Variants in ISOC2 observed in about 807,000 individuals in gnomAD.
The protein encoded by ISOC2 is isochorismatase domain-containing protein 2.
A neutral mutation model predicts 19.3 loss-of-function variants in ISOC2; 15 were observed. The ratio of observed to expected loss-of-function variants is 0.78; its 90% CI spans 0.52 to 1.20. ISOC2 has a LOEUF of 1.20. Among genes scored for constraint, ISOC2 ranks in the 50% most tolerant of loss-of-function variants. The pLI is 0.00. For missense variants in ISOC2, 285 were observed against 272.4 expected (o/e 1.05, Z -0.33); for synonymous variants, 106 against 115.8 (o/e 0.92, Z 0.54).
At chr19:55,458,442 G>GTAATTC in intron 1 of ISOC2, among the ~76,000 whole-genome samples, 2 of 152,156 alleles carry the variant, frequency 1.3e-5, no homozygotes, top group South Asian at 4.2e-4. Flanking sequence ...GGAAATGGGA[G>GTAATTC]ACCCTGGAGG....
chr19:55,456,465 G>A lies in ISOC2; in HGVS notation c.22C>T (p.Leu8=). The change falls in exon 2 of 6, where the codon CTG becomes TTG. Residue 8 remains leucine, a synonymous_variant. Coordinates refer to ENST00000425675, the MANE Select transcript of ISOC2 (RefSeq NM_001136201.2). ...GAGGATCCTGGGAGGACTCGGCCCA[G>A]GCTGGGCCTGGCAGCCGCCATTTTC... MAAARPS[L]GRVLPGSSVL... is the part of the protein sequence containing the mutation. 6.2e-7 allele frequency: 1 copy of A among 1,613,640 alleles called. No homozygotes were observed. Among genetic ancestry groups the A allele is most frequent in the Non-Finnish European group, 8.5e-7 (1 of 1,179,768 alleles).
At position 55,456,971 on chromosome 19, in the gene ISOC2, C is replaced by T. The variant is rs375933948; in HGVS notation, c.-3-482G>A. The T allele has an allele frequency of 1.3e-4, 20 of 154,218 alleles. 1 individual carries two copies. The South Asian group carries it at 2.4e-3, about 19-fold the overall frequency. The allele number at this position is 154,218 out of a possible 1,614,324, so 9.6% of individuals were successfully genotyped here. ...TATCAGATCCCGGTTACATCAGCCC[C>T]GGTTACTGTCAGCCCTGGTTACCAT... is the stretch of plus-strand genomic sequence containing the variant. On this transcript the variant is annotated intron_variant, in intron 1 of 5. Transcript: ENST00000425675.
chr19:55,461,169 G>T (rs1380784137), intron 1 of ISOC2, among the ~76,000 whole-genome samples: 1 of 152,082 alleles, frequency 6.6e-6, no homozygotes, highest in African/African-American at 2.4e-5. Flanking sequence ...CAGGGGGCGG[G>T]GTAGGGCCGT....
At chr19:55,454,012 G>GT (rs544160448) in intron 5 of ISOC2, 5 of 152,340 alleles carry the variant, frequency 3.3e-5, no homozygotes, top group African/African-American at 1.2e-4. Flanking sequence ...AAAGAACTTT[G>GT]TAAACTGCCG....
intron 1 of ISOC2, among the ~76,000 whole-genome samples, chr19:55,458,956 G>C (rs578203947): frequency 2.0e-5 from 3 of 151,916 alleles, no homozygotes; most frequent in African/African-American, 7.3e-5. Context: ...TTTTGAGACA[G>C]GGTCTCATAG....
In ISOC2 at chr19:55,455,770, G is replaced by T; in HGVS notation, c.214C>A (p.Leu72Met). 1 of 1,580,732 alleles carries T rather than the reference G, an allele frequency of 6.3e-7. No individual in the cohort carries two copies. The highest frequency in any genetic ancestry group is 8.6e-7 in the Non-Finnish European group (1 of 1,163,702). Residue 72 changes from leucine to methionine, a missense_variant, in exon 3 of 6, where the codon CTG becomes ATG. Physicochemically the swap from Leu to Met is conservative, Grantham distance 15. Coordinates refer to ENST00000425675, the MANE Select transcript of ISOC2 (RefSeq NM_001136201.2). ...PQGLGPTVPE[L>M]GTEGLRPLAK... ...AGCGGCCGAAGGCCCTCAGTCCCCA[G>T]CTCGGGCACCGTGGGGCCCAGGCCT...
At chr19:55,458,557 C>T (rs1338394845) in intron 1 of ISOC2, among the ~76,000 whole-genome samples, 1 of 149,360 alleles carries the variant, frequency 6.7e-6, no homozygotes, top group East Asian at 1.9e-4. Flanking sequence ...GAGATGGAGT[C>T]TTGCTCTGTC....
In ISOC2 at chr19:55,455,030, G is replaced by C. The variant is rs959184199; in HGVS notation, c.496C>G (p.Leu166Val). 3 of 1,611,950 alleles carry C rather than the reference G, an allele frequency of 1.9e-6. No homozygotes were observed. The highest frequency in any genetic ancestry group is 2.5e-6 in the Non-Finnish European group (3 of 1,179,138). The change falls in exon 5 of 6, where the codon CTG becomes GTG. Residue 166 changes from leucine to valine, a missense_variant. Leu to Val is a conservative substitution (Grantham distance 32, BLOSUM62 1). Coordinates refer to ENST00000425675, the MANE Select transcript of ISOC2 (RefSeq NM_001136201.2). ...TGGACGGCATCGCCCACAAGCTGCA[G>C]AATGAGCCCTTCGCTGGTGGAGAGG... is the stretch of plus-strand genomic sequence containing the variant. ...AFLSTSEGLILQLVGDAVHPQ... is the reference protein window; with the variant it reads ...AFLSTSEGLIVQLVGDAVHPQ...
At chr19:55,458,858 G>C (rs769249079) in intron 1 of ISOC2, among the ~76,000 whole-genome samples, 15 of 151,690 alleles carry the variant, frequency 9.9e-5, no homozygotes, top group Admixed American at 3.3e-4. Context: ...TGGGTAGTTA[G>C]GACACTGTTG....
chr19:55,460,076 G>C (rs1309321751), intron 1 of ISOC2: 1 of 152,212 alleles, frequency 6.6e-6, no homozygotes, highest in Non-Finnish European at 1.5e-5. Flanking sequence ...AGACATTCAT[G>C]TGAAACGACA....
Position 55,461,502 on chromosome 19 carries a change from G to C in ISOC2, c.-4+10C>G, listed in dbSNP as rs1265409781. ...TCTCCAAATAGCGCCAGCAGCGAGA[G>C]AGGACTTACCCGGAAGGTGCCGGGT... On this transcript the variant is annotated intron_variant, in intron 1 of 5. Coordinates refer to ENST00000425675, the MANE Select transcript of ISOC2 (RefSeq NM_001136201.2). The C allele has an allele frequency of 6.6e-6, 1 of 152,236 alleles. No homozygotes were observed. The highest frequency in any genetic ancestry group is 2.4e-5 in the African/African-American group (1 of 41,460). 9.4% of individuals were successfully genotyped at this position (152,236 alleles called of 1,614,324 possible).
In ISOC2 at chr19:55,454,968, G is replaced by A. The variant is rs781573632; in HGVS notation, c.537+21C>T. 5 of 1,535,656 alleles carry A rather than the reference G, an allele frequency of 3.3e-6. No individual in the cohort carries two copies. In the Admixed American group the frequency reaches 6.7e-5, roughly 21 times the overall value. ...CCTTTGACAGATGCAGGGGAGGTGGGGGCGGCCAGGCGGGCATTACCTCCT... is the reference window on the plus strand; with the variant it reads ...CCTTTGACAGATGCAGGGGAGGTGGAGGCGGCCAGGCGGGCATTACCTCCT... On this transcript the variant is annotated intron_variant, in intron 5 of 5. Coordinates refer to ENST00000425675, the MANE Select transcript of ISOC2 (RefSeq NM_001136201.2).
intron 1 of ISOC2, among the ~76,000 whole-genome samples, chr19:55,461,211 C>T (rs1986228765): frequency 6.6e-6 from 1 of 151,128 alleles, no homozygotes; most frequent in Non-Finnish European, 1.5e-5. Flanking sequence ...GAAACCCGGC[C>T]TTGGAGCCCG....
At chr19:55,455,202 C>A in intron 4 of ISOC2, 58 bp downstream of exon 4, 1 of 1,568,884 alleles carries the variant, frequency 6.4e-7, no homozygotes, top group East Asian at 2.3e-5. Flanking sequence ...GCCTGTGGCC[C>A]TTCCTGGGAG....
At chr19:55,456,162 G>A (rs1986053418) in intron 2 of ISOC2, 187 bp downstream of exon 2, 1 of 592,010 alleles carries the variant, frequency 1.7e-6, no homozygotes, top group Admixed American at 3.1e-5. Flanking sequence ...CTGGGTCTGA[G>A]GGTGGAGGGC....
At position 55,453,321 on chromosome 19, in the gene ISOC2, G is replaced by C. The variant is rs755052223; in HGVS notation, c.605C>G (p.Ser202Cys). 6.2e-7 allele frequency: 1 copy of C among 1,606,990 alleles called. No homozygotes were observed. Among genetic ancestry groups the C allele is most frequent in the African/African-American group, 1.3e-5 (1 of 74,794 alleles). ...GLLGLFQGQNSLLH is the reference protein window; with the variant it reads ...GLLGLFQGQNCLLH ...CAGGGTTGGAGTTCAGTGGAGGAGG[G>C]AGTTCTGGCCTTGGAAGAGGCCCAG... Residue 202 changes from serine (S) to cysteine (C), a missense_variant, in exon 6 of 6, where the codon TCC becomes TGC. Ser to Cys is a moderately radical substitution (Grantham distance 112). Transcript: ENST00000425675.
chr19:55,458,349 G>A (rs1236723904), intron 1 of ISOC2, among the ~76,000 whole-genome samples: 1 of 152,160 alleles, frequency 6.6e-6, no homozygotes, highest in Admixed American at 6.5e-5. Context: ...TGAGGGTTTG[G>A]GCTGGGCTTT....
chr19:55,460,201 C>A (rs1265623301), intron 1 of ISOC2, among the ~76,000 whole-genome samples: 1 of 152,140 alleles, frequency 6.6e-6, no homozygotes, highest in East Asian at 1.9e-4. Flanking sequence ...CTCTGTTATT[C>A]CTCGCAGCCA....
intron 1 of ISOC2, among the ~76,000 whole-genome samples, chr19:55,460,872 G>A (rs888239491): frequency 1.3e-5 from 2 of 152,240 alleles, no homozygotes; most frequent in Non-Finnish European, 2.9e-5. Context: ...TGGGACAGGG[G>A]AGAGTCAGGA....
Sources: gnomAD v4.1 joint callset for allele counts (sites outside exome capture counted in the v4.1 genomes callset) on GRCh38, gnomAD v4.1.1 for gene constraint, MANE v1.5 for transcripts, NCBI Gene and HGNC (gene_info 2026-07-23, HGNC 2026-07-21) for gene names.